The following RNF216 variants were observed in gnomAD, a reference collection of about 807,000 sequenced individuals.
RNF216 encodes the protein E3 ubiquitin-protein ligase RNF216.
Under a neutral mutation model 110.8 loss-of-function variants are expected in RNF216, and 72 were observed. That is an observed-to-expected ratio of 0.65 (90% CI 0.54 to 0.79). RNF216 has a LOEUF of 0.79. Ranked by LOEUF, RNF216 falls within the 30% of genes least tolerant of loss-of-function variation. The pLI is 0.00. For missense variants in RNF216, 1,342 were observed against 1,141.2 expected (o/e 1.18, Z -2.54); for synonymous variants, 495 against 407.5 (o/e 1.21, Z -2.59).
intron 15 of RNF216, among the ~76,000 whole-genome samples, chr7:5,627,369 G>T (rs1235030964): frequency 6.6e-6 from 1 of 152,150 alleles, no homozygotes; most frequent in Non-Finnish European, 1.5e-5. Flanking sequence ...GGCCCTCCTT[G>T]TGAGGGCCTC....
In RNF216 at chr7:5,650,245, T is replaced by C; in HGVS notation, c.2159+2168A>G. 1.3e-5 allele frequency among the ~76,000 whole-genome samples: 2 copies of C among 152,184 alleles called. 1 individual carries two copies. Among genetic ancestry groups the C allele is most frequent in the South Asian group, 4.1e-4 (2 of 4,838 alleles). On this transcript the variant is annotated intron_variant, in intron 14 of 16. Coordinates refer to ENST00000389902, the MANE Select transcript of RNF216 (RefSeq NM_207111.4). ...TTTTGATTTTTGGAATCAACATATA[T>C]CACATTTGGATGTTCTGCTCTTATC...
chr7:5,688,194 G>T (rs1791106670), intron 13 of RNF216, among the ~76,000 whole-genome samples: 1 of 152,190 alleles, frequency 6.6e-6, no homozygotes, highest in Admixed American at 6.5e-5. Flanking sequence ...TTTCAAAAAT[G>T]ATTAGTCTTC....
rs1189707285 is a variant in RNF216 at position 5,725,944 on chromosome 7, CA to C, written c.1390-507del. On this transcript the variant is annotated intron_variant, in intron 7 of 16. Transcript: ENST00000389902. The stretch of plus-strand genomic sequence containing the variant: ...TCATAAACTGGTACGGTGGTGGAAG[CA>C]AAACACTTACTGACAGATTAAAGAG... Among the ~76,000 whole-genome samples the C allele has an allele frequency of 3.6e-4, 55 of 151,718 alleles. 1 individual carries two copies. Among genetic ancestry groups the C allele is most frequent in the Middle Eastern group, 3.5e-3 (1 of 288 alleles).
At chr7:5,694,057 G>A (rs1791487123) in intron 13 of RNF216, among the ~76,000 whole-genome samples, 1 of 152,176 alleles carries the variant, frequency 6.6e-6, no homozygotes, top group Non-Finnish European at 1.5e-5. Context: ...TTATTCCAAA[G>A]GCAGTAAAGG....
chr7:5,734,637 G>C (rs1306256690), intron 5 of RNF216, among the ~76,000 whole-genome samples: 1 of 140,102 alleles, frequency 7.1e-6, no homozygotes, highest in Admixed American at 6.9e-5. Context: ...AGAGTCTGTC[G>C]TTGAAAAATA....
chr7:5,775,416 T>C (rs753739633), intron 1 of RNF216, among the ~76,000 whole-genome samples: 13 of 152,190 alleles, frequency 8.5e-5, no homozygotes, highest in Non-Finnish European at 1.9e-4. Flanking sequence ...TCCTTATGTA[T>C]ATGCTCCTAA....
intron 13 of RNF216, among the ~76,000 whole-genome samples, chr7:5,655,533 G>T (rs1434596388): frequency 1.3e-5 from 2 of 152,050 alleles, no homozygotes; most frequent in South Asian, 4.1e-4. Flanking sequence ...TTGAACCTGG[G>T]GGGCGGAGGT....
chr7:5,712,099 G>A (rs888583), intron 12 of RNF216, among the ~76,000 whole-genome samples: 124,850 of 152,186 alleles, frequency 0.82, 53,092 homozygotes, highest in Middle Eastern at 0.92. Flanking sequence ...AGAACTCCTT[G>A]CATATACCGA....
chr7:5,695,718 T>C (rs2128617344), intron 13 of RNF216, among the ~76,000 whole-genome samples: 1 of 152,336 alleles, frequency 6.6e-6, no homozygotes, highest in East Asian at 1.9e-4. Flanking sequence ...CTCGGATGGA[T>C]GGTGCACACC....
chr7:5,766,626 C>T (rs1235276331), intron 1 of RNF216, among the ~76,000 whole-genome samples: 1 of 152,186 alleles, frequency 6.6e-6, no homozygotes, highest in Non-Finnish European at 1.5e-5. Context: ...CTCAGACTTC[C>T]AAATTCCAGA....
rs565444913 is a variant in RNF216, at chr7:5,762,063, T to C, written c.-69-925A>G. On this transcript the variant is annotated intron_variant, in intron 1 of 16. Coordinates refer to ENST00000389902, the MANE Select transcript of RNF216 (RefSeq NM_207111.4). Reference sequence around the variant, plus strand: ...ACAGGGATGGTCATTATAGCAAATATGTAATAAAAGCAATTGGAAATGACC... The same window carrying C: ...ACAGGGATGGTCATTATAGCAAATACGTAATAAAAGCAATTGGAAATGACC... 2.0e-5 allele frequency among the ~76,000 whole-genome samples: 3 copies of C among 152,046 alleles called. No individual in the cohort carries two copies. The East Asian group carries it at 5.8e-4, about 29-fold the overall frequency.
At chr7:5,721,945 C>A (rs977805471) in intron 8 of RNF216, among the ~76,000 whole-genome samples, 40 of 152,214 alleles carry the variant, frequency 2.6e-4, no homozygotes, top group African/African-American at 9.4e-4. Context: ...TTTTTGGAGA[C>A]AGAGCCTTGC....
chr7:5,718,165 A>T (rs2161012), intron 9 of RNF216, among the ~76,000 whole-genome samples: 8 of 152,198 alleles, frequency 5.3e-5, no homozygotes, highest in African/African-American at 1.9e-4. Flanking sequence ...GGGATTGCTT[A>T]AGGTCAGGAG....
At chr7:5,721,215 T>C in intron 8 of RNF216, 43 bp from the exon 9 acceptor site, 1 of 1,596,640 alleles carries the variant, frequency 6.3e-7, no homozygotes, top group Non-Finnish European at 8.6e-7. Flanking sequence ...GACAACTATG[T>C]GTTAGGAACC....
At chr7:5,779,362 C>T (rs1796950317) in intron 1 of RNF216, among the ~76,000 whole-genome samples, 1 of 152,096 alleles carries the variant, frequency 6.6e-6, no homozygotes, top group Admixed American at 6.6e-5. Context: ...GGTCCAAAAT[C>T]TGGCCCAGAC....
At chr7:5,756,378 G>C (rs1428825426) in intron 2 of RNF216, among the ~76,000 whole-genome samples, 2 of 152,164 alleles carry the variant, frequency 1.3e-5, no homozygotes, top group Admixed American at 1.3e-4. Flanking sequence ...TGGTATAGCT[G>C]AATAGTTGCA....
At chr7:5,777,516 G>A (rs1796850130) in intron 1 of RNF216, 1 of 152,244 alleles carries the variant, frequency 6.6e-6, no homozygotes, top group South Asian at 2.1e-4. Flanking sequence ...ACAAGACACT[G>A]ACTGCAGAGT....
At chr7:5,746,840 AAG>A (rs1354337892) in intron 3 of RNF216, among the ~76,000 whole-genome samples, 1 of 152,222 alleles carries the variant, frequency 6.6e-6, no homozygotes, top group Non-Finnish European at 1.5e-5. Flanking sequence ...CCAGATGAAA[AAG>A]AGTGTTCATC....
At chr7:5,660,787 C>T (rs1304003589) in intron 13 of RNF216, among the ~76,000 whole-genome samples, 22 of 150,680 alleles carry the variant, frequency 1.5e-4, no homozygotes. Context: ...CCAGGCTGGT[C>T]TCAAACTCCT....
Sources: gnomAD v4.1 joint callset for allele counts (sites outside exome capture counted in the v4.1 genomes callset) on GRCh38, gnomAD v4.1.1 for gene constraint, MANE v1.5 for transcripts, NCBI Gene and HGNC (gene_info 2026-07-23, HGNC 2026-07-21) for gene names.